CADM1: variants seen among roughly 807,000 people sequenced by gnomAD.
The protein encoded by CADM1 is cell adhesion molecule 1, also known as TSLC-1.
CADM1 carries 15 observed loss-of-function variants against 53.1 expected under a neutral mutation model. That is an observed-to-expected ratio of 0.28 (90% CI 0.19 to 0.44). CADM1 has a LOEUF of 0.44. CADM1 is among the 20% of genes least tolerant of loss of function. CADM1 has a pLI of 1.00. For synonymous variants in CADM1, 281 were observed against 243.0 expected (o/e 1.16, Z -1.45); for missense variants, 434 against 611.3 (o/e 0.71, Z 3.06).
intron 9 of CADM1, among the ~76,000 whole-genome samples, chr11:115,196,297 T>C (rs1322475997): frequency 6.6e-6 from 1 of 152,120 alleles, no homozygotes; most frequent in East Asian, 1.9e-4. Flanking sequence ...TAAGTTAACT[T>C]CTTATTTTTC....
chr11:115,217,864 T>G, intron 6 of CADM1, 28 bp downstream of exon 6: 1 of 1,447,096 alleles, frequency 6.9e-7, no homozygotes, highest in Non-Finnish European at 9.7e-7. Flanking sequence ...CGCATGACCC[T>G]CTGCCAACTT....
intron 1 of CADM1, among the ~76,000 whole-genome samples, chr11:115,241,966 TC>T (rs1014200403): frequency 6.6e-6 from 1 of 150,490 alleles, no homozygotes; most frequent in African/African-American, 2.4e-5. Flanking sequence ...TGTTGAAGGA[TC>T]CTTTTTTTTT....
intron 8 of CADM1, among the ~76,000 whole-genome samples, chr11:115,199,826 G>C (rs549361195): frequency 1.3e-5 from 2 of 152,344 alleles, no homozygotes; most frequent in Non-Finnish European, 2.9e-5. Flanking sequence ...GCAGTTCACT[G>C]TCCTTTTGTA....
At chr11:115,380,816 T>C (rs1946557009) in intron 1 of CADM1, among the ~76,000 whole-genome samples, 1 of 152,140 alleles carries the variant, frequency 6.6e-6, no homozygotes, top group South Asian at 2.1e-4. Context: ...CCAGGTTTCA[T>C]CTCTGAAGTA....
chr11:115,384,211 G>A (rs1029180555), intron 1 of CADM1, among the ~76,000 whole-genome samples: 5 of 152,182 alleles, frequency 3.3e-5, no homozygotes, highest in Non-Finnish European at 7.3e-5. Context: ...CTTTATGGAT[G>A]TACAAAGTAC....
At chr11:115,317,995 CA>C (rs1485210185) in intron 1 of CADM1, among the ~76,000 whole-genome samples, 2 of 151,746 alleles carry the variant, frequency 1.3e-5, no homozygotes, top group South Asian at 4.2e-4. Flanking sequence ...CACACACACA[CA>C]CACACACACA....
chr11:115,206,047 T>C (rs1159415956), intron 8 of CADM1, among the ~76,000 whole-genome samples: 1 of 152,152 alleles, frequency 6.6e-6, no homozygotes, highest in Non-Finnish European at 1.5e-5. Context: ...CCCTTAAACA[T>C]GCACAGGACA....
intron 1 of CADM1, among the ~76,000 whole-genome samples, chr11:115,420,220 G>A (rs1947718477): frequency 6.6e-6 from 1 of 152,156 alleles, no homozygotes; most frequent in South Asian, 2.1e-4. Context: ...TGTGTATAGT[G>A]TAACAAGGAA....
chr11:115,434,466 G>A (rs947533616), intron 1 of CADM1, among the ~76,000 whole-genome samples: 2 of 152,204 alleles, frequency 1.3e-5, no homozygotes, highest in African/African-American at 4.8e-5. Flanking sequence ...ACCTCACAGC[G>A]TCAGACAGAC....
intron 1 of CADM1, among the ~76,000 whole-genome samples, chr11:115,292,303 T>C (rs535250346): frequency 7.2e-5 from 11 of 152,210 alleles, no homozygotes; most frequent in Non-Finnish European, 1.5e-4. Flanking sequence ...CAGAAGAAAT[T>C]ATTTTTTGTA....
intron 1 of CADM1, among the ~76,000 whole-genome samples, chr11:115,360,903 G>A (rs1041748490): frequency 6.6e-6 from 1 of 152,118 alleles, no homozygotes; most frequent in African/African-American, 2.4e-5. Flanking sequence ...CTGAACACTA[G>A]GATAAAACTG....
At chr11:115,385,269 G>A (rs1946672253) in intron 1 of CADM1, among the ~76,000 whole-genome samples, 1 of 150,744 alleles carries the variant, frequency 6.6e-6, no homozygotes, top group Non-Finnish European at 1.5e-5. Flanking sequence ...TGGGAAAAAA[G>A]GCTTAACAAG....
intron 5 of CADM1, among the ~76,000 whole-genome samples, chr11:115,226,127 G>A (rs946739608): frequency 6.6e-6 from 1 of 151,656 alleles, no homozygotes; most frequent in African/African-American, 2.4e-5. Context: ...ACAAAGGAAA[G>A]GACATTGAAA....
intron 10 of CADM1, among the ~76,000 whole-genome samples, chr11:115,180,882 T>A (rs746043786): frequency 7.9e-5 from 12 of 152,178 alleles, no homozygotes; most frequent in Admixed American, 1.3e-4. Context: ...CCAATGGCCA[T>A]GAGCTTCAGA....
At chr11:115,196,185 A>T (rs1182102217) in intron 9 of CADM1, among the ~76,000 whole-genome samples, 1 of 152,052 alleles carries the variant, frequency 6.6e-6, no homozygotes, top group African/African-American at 2.4e-5. Context: ...GTCCCATTCC[A>T]AGTGTCTCTT....
chr11:115,391,714 G>A (rs1231488834), intron 1 of CADM1, among the ~76,000 whole-genome samples: 1 of 152,162 alleles, frequency 6.6e-6, no homozygotes, highest in Non-Finnish European at 1.5e-5. Context: ...TCCACCCTCA[G>A]ATTCACACTG....
intron 1 of CADM1, among the ~76,000 whole-genome samples, chr11:115,406,303 T>C (rs560679916): frequency 1.3e-5 from 2 of 151,962 alleles, no homozygotes; most frequent in East Asian, 3.9e-4. Flanking sequence ...TGGAGTATGC[T>C]AGACCCCAGA....
chr11:115,390,424 G>A (rs907628314), intron 1 of CADM1, among the ~76,000 whole-genome samples: 1 of 151,816 alleles, frequency 6.6e-6, no homozygotes, highest in Admixed American at 6.6e-5. Context: ...GAGAAGGAGA[G>A]AGGAAGTGTA....
At chr11:115,420,056 A>G (rs1947714398) in intron 1 of CADM1, among the ~76,000 whole-genome samples, 1 of 152,162 alleles carries the variant, frequency 6.6e-6, no homozygotes, top group Non-Finnish European at 1.5e-5. Context: ...GGTGCTTTTT[A>G]AAATATGCAC....
Sources: gnomAD v4.1 joint callset for allele counts (sites outside exome capture counted in the v4.1 genomes callset) on GRCh38, gnomAD v4.1.1 for gene constraint, MANE v1.5 for transcripts, NCBI Gene and HGNC (gene_info 2026-07-23, HGNC 2026-07-21) for gene names.